Variants in VRK2 observed in about 807,000 individuals in gnomAD.
VRK2 encodes the protein VRK serine/threonine kinase 2, also known as serine/threonine-protein kinase VRK2.
Under a neutral mutation model 57.6 loss-of-function variants are expected in VRK2, and 60 were observed. The observed-to-expected ratio is 1.04, with a 90% CI of 0.85 to 1.29. VRK2 has a LOEUF of 1.29. Among genes scored for constraint, VRK2 ranks in the 50% most tolerant of loss-of-function variants. The probability of loss-of-function intolerance (pLI) is 0.00; values close to 1 mark genes in which losing one functional copy is unlikely to be tolerated. For missense variants in VRK2, 705 were observed against 588.1 expected, an observed-to-expected ratio of 1.20 and a Z score of -2.06; for synonymous variants, 231 against 199.2, an observed-to-expected ratio of 1.16 and a Z score of -1.35.
rs1206667342 is a variant in VRK2 at position 58,056,429 on chromosome 2, A to G, written c.136+7462A>G. ...TGCCATACAGTCCTCGGAAAACACA[A>G]TTCATCCAGAAGCACTCTTGTCACT... On this transcript the variant is annotated intron_variant, in intron 2 of 12. Coordinates refer to ENST00000340157, the MANE Select transcript of VRK2 (RefSeq NM_006296.7). Among the ~76,000 whole-genome samples the G allele has an allele frequency of 3.3e-5, 5 of 152,152 alleles. 1 individual carries two copies. Among genetic ancestry groups the G allele is most frequent in the Admixed American group, 2.6e-4 (4 of 15,280 alleles).
intron 1 of VRK2, among the ~76,000 whole-genome samples, chr2:57,969,184 A>G (rs1217719931): frequency 1.3e-5 from 2 of 152,132 alleles, no homozygotes; most frequent in East Asian, 3.8e-4. Flanking sequence ...CTTGTTAAAA[A>G]GAAAAAGAGG....
At chr2:58,077,510 G>A (rs529629423) in intron 2 of VRK2, among the ~76,000 whole-genome samples, 4 of 151,282 alleles carry the variant, frequency 2.6e-5, no homozygotes, top group Admixed American at 6.6e-5. Context: ...ACCTCTAAGC[G>A]TCTCCTCCAT....
intron 1 of VRK2, among the ~76,000 whole-genome samples, chr2:58,021,935 C>T (rs192030452): frequency 2.6e-5 from 4 of 152,140 alleles, no homozygotes; most frequent in African/African-American, 9.6e-5. Context: ...TACTTCATAC[C>T]CTGTTTAGGT....
chr2:58,025,363 C>T (rs1253539598), intron 1 of VRK2, among the ~76,000 whole-genome samples: 2 of 151,986 alleles, frequency 1.3e-5, no homozygotes, highest in Non-Finnish European at 2.9e-5. Context: ...ATTACTATTG[C>T]TATGACTGAG....
At chr2:57,959,093 G>A (rs1443706251) in intron 1 of VRK2, among the ~76,000 whole-genome samples, 1 of 152,160 alleles carries the variant, frequency 6.6e-6, no homozygotes, top group African/African-American at 2.4e-5. Context: ...TTTTAGGAGC[G>A]ATTCACTATG....
At chr2:58,098,313 C>T (rs1673457900) in intron 7 of VRK2, among the ~76,000 whole-genome samples, 1 of 151,924 alleles carries the variant, frequency 6.6e-6, no homozygotes, top group South Asian at 2.1e-4. Flanking sequence ...AAGAAAAAAA[C>T]TGTAAACACA....
chr2:58,147,801 T>G (rs74671614), intron 12 of VRK2, among the ~76,000 whole-genome samples: 1 of 29,590 alleles, frequency 3.4e-5, no homozygotes, highest in African/African-American at 2.5e-4. Context: ...TCACTCAGTG[T>G]TTTTTTTTTT....
At chr2:58,109,447 A>G (rs1429314509) in intron 7 of VRK2, among the ~76,000 whole-genome samples, 1 of 151,994 alleles carries the variant, frequency 6.6e-6, no homozygotes, top group African/African-American at 2.4e-5. Context: ...AAAAAAAAAA[A>G]TACCCAAAAC....
intron 1 of VRK2, among the ~76,000 whole-genome samples, chr2:57,918,523 T>C (rs1670228682): frequency 6.6e-6 from 1 of 152,136 alleles, no homozygotes; most frequent in African/African-American, 2.4e-5. Context: ...TTTTAGAGTC[T>C]ATCACCCTTA....
intron 1 of VRK2, among the ~76,000 whole-genome samples, chr2:57,971,058 C>T (rs1672080634): frequency 6.6e-6 from 1 of 151,932 alleles, no homozygotes; most frequent in East Asian, 1.9e-4. Flanking sequence ...GTAAGGTAGA[C>T]AGTCTTAGCA....
intron 2 of VRK2, among the ~76,000 whole-genome samples, chr2:58,061,246 A>G (rs1192476263): frequency 6.6e-6 from 1 of 151,860 alleles, no homozygotes; most frequent in South Asian, 2.1e-4. Context: ...TATTTAGTTA[A>G]TAATAATAAA....
intron 1 of VRK2, among the ~76,000 whole-genome samples, chr2:57,913,456 T>C (rs1048919731): frequency 2.0e-5 from 3 of 152,190 alleles, no homozygotes; most frequent in Non-Finnish European, 4.4e-5. Flanking sequence ...AATGGGCCAA[T>C]GTATCTAAAT....
Position 57,911,613 on chromosome 2 carries a change from G to C in VRK2, c.-439+3774G>C, listed in dbSNP as rs1669988361. 1.3e-5 allele frequency among the ~76,000 whole-genome samples: 2 copies of C among 152,104 alleles called. 1 individual carries two copies. The highest frequency in any genetic ancestry group is 4.1e-4 in the South Asian group (2 of 4,826). On this transcript the variant is annotated intron_variant, in intron 1 of 15. Coordinates refer to the VRK2 transcript ENST00000417641. Reference sequence around the variant, plus strand: ...CAAAGAGGTAAGTACTGGAAAGAGGGAAAATGACATATAAAAGAACTAGAT... The same window carrying C: ...CAAAGAGGTAAGTACTGGAAAGAGGCAAAATGACATATAAAAGAACTAGAT...
chr2:58,044,746 C>T (rs973413389), upstream of VRK2, among the ~76,000 whole-genome samples: 3 of 152,046 alleles, frequency 2.0e-5, no homozygotes, highest in African/African-American at 7.3e-5. Flanking sequence ...GCAGTAAATG[C>T]GAAAAGTTCT....
intron 9 of VRK2, 44 bp from the exon 10 acceptor site, chr2:58,135,097 G>A (rs369034283): frequency 1.6e-5 from 26 of 1,601,594 alleles, no homozygotes; most frequent in Non-Finnish European, 2.2e-5. Flanking sequence ...AATAATCACA[G>A]GGTTGAAAAC....
At chr2:57,975,482 C>G (rs1672221298) in intron 1 of VRK2, among the ~76,000 whole-genome samples, 1 of 152,032 alleles carries the variant, frequency 6.6e-6, no homozygotes, top group South Asian at 2.1e-4. Context: ...CTTCCTCCAT[C>G]TCTATTTTTT....
intron 1 of VRK2, among the ~76,000 whole-genome samples, chr2:57,924,496 T>C (rs1354343573): frequency 6.6e-6 from 1 of 152,034 alleles, no homozygotes; most frequent in East Asian, 1.9e-4. Flanking sequence ...TGAGATTAAT[T>C]TCTTGACTCC....
chr2:58,135,062 A>G (rs1334769180), intron 9 of VRK2, 79 bp from the exon 10 acceptor site: 16 of 1,506,612 alleles, frequency 1.1e-5, no homozygotes, highest in Non-Finnish European at 1.5e-5. Context: ...CTACCAACAC[A>G]TAGAGTGTTT....
chr2:57,908,527 A>C (rs1295086068), intron 1 of VRK2, among the ~76,000 whole-genome samples: 1 of 152,170 alleles, frequency 6.6e-6, no homozygotes, highest in Non-Finnish European at 1.5e-5. Context: ...ATTAAAAAAA[A>C]AACTTGAGCT....
Sources: gnomAD v4.1 joint callset for allele counts (sites outside exome capture counted in the v4.1 genomes callset) on GRCh38, gnomAD v4.1.1 for gene constraint, MANE v1.5 for transcripts, NCBI Gene and HGNC (gene_info 2026-07-23, HGNC 2026-07-21) for gene names.